CHODL: variants seen among roughly 807,000 people sequenced by gnomAD.
The protein encoded by CHODL is transmembrane protein MT75.
CHODL carries 29 observed loss-of-function variants against 34.5 expected under a neutral mutation model. The ratio of observed to expected loss-of-function variants is 0.84; its 90% confidence interval spans 0.63 to 1.15. CHODL has a LOEUF of 1.15. CHODL is among the 50% of genes most tolerant of loss of function. The pLI is 0.00. For missense variants in CHODL, 332 were observed against 332.5 expected, an observed-to-expected ratio of 1.00 and a Z score of 0.01; for synonymous variants, 125 against 116.1, an observed-to-expected ratio of 1.08 and a Z score of -0.49.
intron 5 of CHODL, among the ~76,000 whole-genome samples, chr21:18,265,373 C>T (rs1014629668): frequency 2.0e-5 from 3 of 151,314 alleles, no homozygotes; most frequent in Admixed American, 2.0e-4. Flanking sequence ...GCATTCACAG[C>T]GACCTGGGTA....
At chr21:17,975,515 A>T (rs998086478) in intron 1 of CHODL, among the ~76,000 whole-genome samples, 2 of 151,986 alleles carry the variant, frequency 1.3e-5, no homozygotes, top group Admixed American at 6.6e-5. Context: ...ATTCCTGCCT[A>T]TTTTTCTACA....
intron 4 of CHODL, among the ~76,000 whole-genome samples, chr21:18,260,820 AAACAACAACAACAAC>A (rs558969072): frequency 2.2e-5 from 3 of 136,490 alleles, no homozygotes; most frequent in African/African-American, 1.1e-4. Context: ...TCAAAAAAGC[AAACAACAACAACAAC>A]AACAACAACA....
intron 2 of CHODL, among the ~76,000 whole-genome samples, chr21:18,232,941 T>TTATTTATATA (rs752640406): frequency 1.0e-5 from 1 of 97,620 alleles, no homozygotes; most frequent in Non-Finnish European, 1.9e-5. Flanking sequence ...CATGATGTTA[T>TTATTTATATA]GATATATATA....
In CHODL at chr21:18,256,748, G is replaced by C. The variant is rs765203113; in HGVS notation, c.319G>C (p.Gly107Arg). Residue 107 changes from glycine to arginine, a missense_variant, in exon 2 of 6, where the codon GGA becomes CGA. By Grantham distance (125) the Gly-to-Arg change is moderately radical (BLOSUM62 -2). Transcript: ENST00000299295. ...GDFWIGLWRN[G>R]DGQTSGACPD... is the part of the protein sequence containing the mutation. ...TTTCTGGATAGGGCTTTGGAGGAAT[G>C]GAGATGGGCAAACATCTGGTGCCTG... 1 of 1,614,096 alleles carries C rather than the reference G, an allele frequency of 6.2e-7. No individual in the cohort carries two copies. Among genetic ancestry groups the C allele is most frequent in the Non-Finnish European group, 8.5e-7 (1 of 1,179,978 alleles).
chr21:18,163,060 A>G lies in CHODL; in HGVS notation c.-44-93449A>G, dbSNP rs542541459. Among the ~76,000 whole-genome samples the G allele has an allele frequency of 2.3e-4, 35 of 152,346 alleles. No individual in the cohort carries two copies. In the South Asian group the frequency reaches 5.0e-3, roughly 22 times the overall value. On this transcript the variant is annotated intron_variant, in intron 2 of 6. Transcript: ENST00000400127. ...CTATGTCTATATCATCTATATCTAT[A>G]TAGCCATTCTACTGGAAAGGATACT... is the stretch of plus-strand genomic sequence containing the variant.
intron 2 of CHODL, among the ~76,000 whole-genome samples, chr21:18,062,375 ATTTTT>A (rs71189579): frequency 6.6e-6 from 1 of 151,636 alleles, no homozygotes; most frequent in African/African-American, 2.4e-5. Flanking sequence ...CAGCCAGCTA[ATTTTT>A]TTATTTTTTG....
At chr21:18,116,893 T>C (rs1410420645) in intron 2 of CHODL, among the ~76,000 whole-genome samples, 2 of 152,200 alleles carry the variant, frequency 1.3e-5, no homozygotes, top group African/African-American at 4.8e-5. Flanking sequence ...CCCAGATGAA[T>C]GAGCAAGGAT....
At chr21:17,946,976 CTAG>C (rs1237846981) in intron 1 of CHODL, among the ~76,000 whole-genome samples, 1 of 151,930 alleles carries the variant, frequency 6.6e-6, no homozygotes, top group Non-Finnish European at 1.5e-5. Flanking sequence ...ATTATTTTCT[CTAG>C]TAGTATGTTG....
intron 1 of CHODL, among the ~76,000 whole-genome samples, chr21:17,922,296 G>C (rs997504986): frequency 2.2e-4 from 33 of 152,062 alleles, no homozygotes; most frequent in Non-Finnish European, 3.5e-4. Context: ...CATGTCTCCT[G>C]TCTCCTGTTG....
Position 17,981,608 on chromosome 21 carries a change from G to A in CHODL, c.-144-46264G>A, listed in dbSNP as rs143761670. On this transcript the variant is annotated intron_variant, in intron 1 of 6. Transcript: ENST00000400127. ...TCCAGGGAAAAAGAAGGAATAATAC[G>A]TCAAACATTTACAAAATTCACAATG... Among the ~76,000 whole-genome samples, 1,440 of 152,170 alleles carry A rather than the reference G, an allele frequency of 9.5e-3. 21 individuals are homozygous for A. The highest frequency in any genetic ancestry group is 0.027 in the African/African-American group (1,124 of 41,508).
At chr21:18,187,371 A>T (rs1338094843) in intron 2 of CHODL, among the ~76,000 whole-genome samples, 2 of 152,028 alleles carry the variant, frequency 1.3e-5, no homozygotes, top group Non-Finnish European at 2.9e-5. Flanking sequence ...CCTTCCTTTA[A>T]TATTCAGCTC....
chr21:17,986,913 G>A (rs197554), intron 1 of CHODL, among the ~76,000 whole-genome samples: 131,288 of 152,176 alleles, frequency 0.86, 56,840 homozygotes, highest in African/African-American at 0.91. Context: ...GGATGGTGCC[G>A]AAAATAGGTG....
At chr21:18,040,708 A>G (rs539767039) in intron 2 of CHODL, among the ~76,000 whole-genome samples, 4 of 151,998 alleles carry the variant, frequency 2.6e-5, no homozygotes, top group South Asian at 2.1e-4. Flanking sequence ...CAAATTTCAT[A>G]CCATTTTATT....
At chr21:18,002,455 ATTTACT>A (rs765738900) in intron 1 of CHODL, among the ~76,000 whole-genome samples, 150 of 152,248 alleles carry the variant, frequency 9.9e-4, no homozygotes, top group East Asian at 8.1e-3. Flanking sequence ...TTTTAAAAAC[ATTTACT>A]TTTAATTTTA....
chr21:18,081,096 C>T (rs1163924778), intron 2 of CHODL, among the ~76,000 whole-genome samples: 1 of 152,080 alleles, frequency 6.6e-6, no homozygotes, highest in Non-Finnish European at 1.5e-5. Flanking sequence ...TGTTTTATAA[C>T]TAGTGTAAAT....
chr21:18,202,890 G>A (rs192517562), intron 2 of CHODL, among the ~76,000 whole-genome samples: 75 of 151,704 alleles, frequency 4.9e-4, no homozygotes, highest in African/African-American at 1.6e-3. Flanking sequence ...TGCTGGCTAC[G>A]TCTACATCTA....
At chr21:18,065,247 T>C (rs888383780) in intron 2 of CHODL, among the ~76,000 whole-genome samples, 7 of 152,334 alleles carry the variant, frequency 4.6e-5, no homozygotes, top group Middle Eastern at 3.4e-3. Flanking sequence ...CAGTCCTGCA[T>C]TGGAATAGGC....
chr21:18,173,933 T>C (rs1393430011), intron 2 of CHODL, among the ~76,000 whole-genome samples: 1 of 151,330 alleles, frequency 6.6e-6, no homozygotes, highest in East Asian at 1.9e-4. Flanking sequence ...TTGACTTGTT[T>C]GTAAGGTACT....
chr21:18,248,276 G>A (rs2207388), intron 1 of CHODL, among the ~76,000 whole-genome samples: 10,610 of 151,492 alleles, frequency 0.07, 1,220 homozygotes, highest in African/African-American at 0.24. Flanking sequence ...AATACAATAT[G>A]ATATAATATA....
Sources: gnomAD v4.1 joint callset for allele counts (sites outside exome capture counted in the v4.1 genomes callset) on GRCh38, gnomAD v4.1.1 for gene constraint, MANE v1.5 for transcripts, NCBI Gene and HGNC (gene_info 2026-07-23, HGNC 2026-07-21) for gene names.